The following ENTREP2 variants were observed in gnomAD, a reference collection of about 807,000 sequenced individuals.
The protein encoded by ENTREP2 is endosomal transmembrane epsin interactor 2, also known as protein ENTREP2.
chr15:29,137,274 T>C, the ENTREP2 span: 6 of 1,273,154 alleles, frequency 4.7e-6, no homozygotes, highest in East Asian at 1.2e-4. Context: ...ATACGAGAGC[T>C]TTAATGATCA....
At chr15:29,352,478 C>A in the ENTREP2 span, among the ~76,000 whole-genome samples, 8 of 152,278 alleles carry the variant, frequency 5.3e-5, no homozygotes, top group African/African-American at 1.9e-4. Flanking sequence ...ATTAGGTACA[C>A]GGTTTCTTCC....
the ENTREP2 span, chr15:29,234,026 G>A: frequency 6.8e-7 from 1 of 1,476,950 alleles, no homozygotes; most frequent in Non-Finnish European, 9.5e-7. Flanking sequence ...TCCACCTCTG[G>A]GTCAAGATCT....
chr15:29,234,275 C>T, the ENTREP2 span: 39 of 1,612,304 alleles, frequency 2.4e-5, no homozygotes, highest in Admixed American at 1.3e-4. Context: ...TTTAAGTTCT[C>T]GTGCTGTATC....
chr15:29,542,488 T>C, the ENTREP2 span, among the ~76,000 whole-genome samples: 2 of 148,484 alleles, frequency 1.3e-5, no homozygotes. Flanking sequence ...TTTTTTTTAG[T>C]AGAGACGGGG....
At chr15:29,316,256 A>C in the ENTREP2 span, among the ~76,000 whole-genome samples, 2 of 152,180 alleles carry the variant, frequency 1.3e-5, no homozygotes, top group Non-Finnish European at 2.9e-5. Context: ...ATTTAATTGT[A>C]TATCTCAAGT....
the ENTREP2 span, chr15:29,195,481 C>A: frequency 1.1e-5 from 2 of 183,662 alleles, no homozygotes; most frequent in African/African-American, 2.4e-5. Context: ...ATTTTACCAC[C>A]AACTAAGAGT....
At chr15:29,384,208 T>G in the ENTREP2 span, among the ~76,000 whole-genome samples, 6 of 152,196 alleles carry the variant, frequency 3.9e-5, no homozygotes, top group African/African-American at 1.4e-4. Flanking sequence ...ATTTCATGTT[T>G]GACATTTCAG....
the ENTREP2 span, among the ~76,000 whole-genome samples, chr15:29,403,543 A>G: frequency 6.6e-6 from 1 of 152,240 alleles, no homozygotes; most frequent in African/African-American, 2.4e-5. Flanking sequence ...ACAGACTCAC[A>G]TCAACTTTTA....
chr15:29,330,164 C>A, the ENTREP2 span, among the ~76,000 whole-genome samples: 1 of 151,938 alleles, frequency 6.6e-6, no homozygotes, highest in African/African-American at 2.4e-5. Context: ...CTTGGCCGAG[C>A]GCGGCAGCTC....
the ENTREP2 span, among the ~76,000 whole-genome samples, chr15:29,608,157 A>G: frequency 3.9e-5 from 6 of 152,114 alleles, no homozygotes; most frequent in African/African-American, 1.4e-4. Context: ...CACTGACTCA[A>G]ATGTTAATCT....
At chr15:29,380,724 C>A in the ENTREP2 span, among the ~76,000 whole-genome samples, 2 of 152,028 alleles carry the variant, frequency 1.3e-5, no homozygotes, top group African/African-American at 4.8e-5. Context: ...AGGGTTCCCC[C>A]AAAAACACAA....
chr15:29,600,930 C>CTTTTTTT, the ENTREP2 span, among the ~76,000 whole-genome samples: 10 of 108,604 alleles, frequency 9.2e-5, no homozygotes, highest in Admixed American at 2.1e-4. Context: ...CAGAGTCTCG[C>CTTTTTTT]TCTTTTGCCC....
chr15:29,138,494 G>T, the ENTREP2 span, among the ~76,000 whole-genome samples: 1 of 152,202 alleles, frequency 6.6e-6, no homozygotes, highest in Non-Finnish European at 1.5e-5. Flanking sequence ...CAGGGCAGGT[G>T]AGGTAAGGAG....
At chr15:29,315,163 CTAAAGT>C in the ENTREP2 span, among the ~76,000 whole-genome samples, 4 of 152,012 alleles carry the variant, frequency 2.6e-5, no homozygotes, top group South Asian at 4.2e-4. Flanking sequence ...GTTAATTCTC[CTAAAGT>C]TAATCTATAA....
chr15:29,294,511 C>G, the ENTREP2 span, among the ~76,000 whole-genome samples: 13 of 152,172 alleles, frequency 8.5e-5, no homozygotes, highest in African/African-American at 3.1e-4. Context: ...GTCTCTTTTG[C>G]TACAGGACCA....
At chr15:29,667,791 C>T in the ENTREP2 span, among the ~76,000 whole-genome samples, 9 of 152,104 alleles carry the variant, frequency 5.9e-5, no homozygotes, top group Admixed American at 1.3e-4. Context: ...CCACTATGCC[C>T]GGCTGTCTTC....
the ENTREP2 span, among the ~76,000 whole-genome samples, chr15:29,158,553 C>A: frequency 6.6e-6 from 1 of 151,912 alleles, no homozygotes; most frequent in Non-Finnish European, 1.5e-5. Flanking sequence ...TACAGGAGCA[C>A]GCCATCACTC....
the ENTREP2 span, among the ~76,000 whole-genome samples, chr15:29,589,515 G>A: frequency 6.6e-5 from 10 of 152,240 alleles, no homozygotes; most frequent in South Asian, 2.1e-3. Context: ...CATTCGTCAC[G>A]GAGAAGGGGC....
chr15:29,425,530 G>C, the ENTREP2 span, among the ~76,000 whole-genome samples: 1 of 152,020 alleles, frequency 6.6e-6, no homozygotes, highest in Non-Finnish European at 1.5e-5. Context: ...TCTGATTTTT[G>C]CTTTTTACCC....
Sources: allele counts gnomAD v4.1 joint callset (sites outside exome capture counted in the v4.1 genomes callset), GRCh38; gene constraint gnomAD v4.1.1; transcripts MANE v1.5; gene names NCBI Gene and HGNC (gene_info 2026-07-23, HGNC 2026-07-21).